ARHGAP17: variants seen among roughly 807,000 people sequenced by gnomAD.
ARHGAP17 encodes rho GTPase-activating protein 17.
A neutral mutation model predicts 99.5 loss-of-function variants in ARHGAP17; 57 were observed. That is an observed-to-expected ratio of 0.57 (90% CI 0.46 to 0.71). The LOEUF (loss-of-function observed/expected upper bound fraction) is 0.71. Ranked by LOEUF, ARHGAP17 falls within the 30% of genes least tolerant of loss-of-function variation. The pLI, the probability that ARHGAP17 is intolerant of heterozygous loss-of-function variation, is 0.00. For synonymous variants in ARHGAP17, 417 were observed against 429.6 expected, an observed-to-expected ratio of 0.97 and a Z score of 0.36; for missense variants, 1,000 against 1,122.4, an observed-to-expected ratio of 0.89 and a Z score of 1.56.
In ARHGAP17 at chr16:24,930,832, C is replaced by A. The variant is rs901287667; in HGVS notation, c.2467G>T (p.Asp823Tyr). ...GGTGCTGTGTTGGTGAGGCTGCTGT[C>A]CCCAGCTGAGTGGACACCAGGAGGT... ...PQPPGVHSAG[D>Y]SSLTNTAPTA... The change falls in exon 19 of 20, where the codon GAC becomes TAC. Residue 823 changes from aspartate to tyrosine, a missense_variant. Coordinates refer to ENST00000289968, the MANE Select transcript of ARHGAP17 (RefSeq NM_001006634.3). The A allele has an allele frequency of 3.1e-6, 5 of 1,613,922 alleles. No homozygotes were observed. The South Asian group carries it at 5.5e-5, about 18-fold the overall frequency.
intron 1 of ARHGAP17, among the ~76,000 whole-genome samples, chr16:24,985,502 C>T (rs2052837355): frequency 6.6e-6 from 1 of 152,194 alleles, no homozygotes; most frequent in African/African-American, 2.4e-5. Context: ...GTATGGTTCA[C>T]TCTGGGCCTC....
chr16:25,009,665 T>C (rs1329294700), intron 1 of ARHGAP17, among the ~76,000 whole-genome samples: 1 of 152,112 alleles, frequency 6.6e-6, no homozygotes, highest in Non-Finnish European at 1.5e-5. Flanking sequence ...ACATACCTCC[T>C]AGGAGTGGAA....
chr16:24,939,019 C>G (rs1384375815), intron 17 of ARHGAP17, among the ~76,000 whole-genome samples: 1 of 152,156 alleles, frequency 6.6e-6, no homozygotes, highest in Admixed American at 6.5e-5. Flanking sequence ...TCCTGGTTAG[C>G]ACACTGGATG....
chr16:24,925,971 G>A (rs538098227), intron 19 of ARHGAP17, among the ~76,000 whole-genome samples: 12 of 151,880 alleles, frequency 7.9e-5, no homozygotes, highest in African/African-American at 2.9e-4. Flanking sequence ...TTAGCTGGGC[G>A]TGGTGGTGGG....
At chr16:24,935,320 T>G in intron 18 of ARHGAP17, 150 bp downstream of exon 18, 1 of 1,023,906 alleles carries the variant, frequency 9.8e-7, no homozygotes, top group Non-Finnish European at 1.4e-6. Flanking sequence ...CTTTAATGAC[T>G]TTTCTCTTGA....
chr16:24,939,567 G>T lies in ARHGAP17; in HGVS notation c.1521C>A (p.Ala507=). Residue 507 remains alanine (A), a synonymous_variant, in exon 17 of 20, where the codon GCC becomes GCA. Transcript: ENST00000289968. ...SFGVKLMDFQ[A]HRRGGTLNRK... ...TATTTAGAGTGCCACCCCGCCGGTGGGCCTGGAAGTCCATAAGCTTCACAC... is the reference window on the plus strand; with the variant it reads ...TATTTAGAGTGCCACCCCGCCGGTGTGCCTGGAAGTCCATAAGCTTCACAC... 1 of 1,607,828 alleles carries T rather than the reference G, an allele frequency of 6.2e-7. No homozygotes were observed. The highest frequency in any genetic ancestry group is 1.1e-5 in the South Asian group (1 of 89,432).
intron 12 of ARHGAP17, among the ~76,000 whole-genome samples, chr16:24,951,231 T>C (rs891513480): frequency 7.9e-5 from 12 of 152,012 alleles, no homozygotes; most frequent in Admixed American, 5.9e-4. Context: ...GAATATAGCA[T>C]TTGGGTCTGT....
rs115297803 is a variant in ARHGAP17 at position 24,990,057 on chromosome 16, C to T, written c.54-11052G>A. ...GCACAAACGTTCAAGGTGATGGATACGATAATTATGCTGATTTGATCATTA... is the reference window on the plus strand; with the variant it reads ...GCACAAACGTTCAAGGTGATGGATATGATAATTATGCTGATTTGATCATTA... On this transcript the variant is annotated intron_variant, in intron 1 of 19. Coordinates refer to ENST00000289968, the MANE Select transcript of ARHGAP17 (RefSeq NM_001006634.3). 2.4e-3 allele frequency among the ~76,000 whole-genome samples: 363 copies of T among 152,208 alleles called. 1 individual carries two copies. Among genetic ancestry groups the T allele is most frequent in the African/African-American group, 8.3e-3 (344 of 41,514 alleles).
chr16:24,937,655 G>A (rs934501927), intron 17 of ARHGAP17, among the ~76,000 whole-genome samples: 10 of 152,084 alleles, frequency 6.6e-5, no homozygotes, highest in African/African-American at 2.2e-4. Context: ...CTTTCCCAAG[G>A]TGAAGAAAAT....
chr16:24,927,111 AAAT>A lies in ARHGAP17; in HGVS notation c.2515+3670_2515+3672del, dbSNP rs1466880653. ...CATGGTGAAGCCCCGTCTCTACTAA[AAAT>A]AAAAAAAATAGCCAGATGTGGTGGC... On this transcript the variant is annotated intron_variant, in intron 19 of 19. Coordinates refer to ENST00000289968, the MANE Select transcript of ARHGAP17 (RefSeq NM_001006634.3). Among the ~76,000 whole-genome samples the A allele has an allele frequency of 3.9e-5, 6 of 152,304 alleles. No individual in the cohort carries two copies. In the South Asian group the frequency reaches 8.3e-4, roughly 21 times the overall value.
Position 24,924,604 on chromosome 16 carries a change from T to C in ARHGAP17, c.2516-4344A>G, listed in dbSNP as rs190294305. ...CTGGCTGGGTGTGGTAGCTCATGCCTGTAATCCCAGCACTTTGGGAGGCCG... is the reference window on the plus strand; with the variant it reads ...CTGGCTGGGTGTGGTAGCTCATGCCCGTAATCCCAGCACTTTGGGAGGCCG... On this transcript the variant is annotated intron_variant, in intron 19 of 19. Transcript: ENST00000289968. 3.2e-4 allele frequency among the ~76,000 whole-genome samples: 48 copies of C among 152,284 alleles called. No individual in the cohort carries two copies. The East Asian group carries it at 8.1e-3, about 26-fold the overall frequency.
chr16:24,927,357 G>C (rs1244298547), intron 19 of ARHGAP17, among the ~76,000 whole-genome samples: 1 of 152,196 alleles, frequency 6.6e-6, no homozygotes, highest in Non-Finnish European at 1.5e-5. Flanking sequence ...GTTATACCAA[G>C]AGCTGAAATT....
At chr16:24,950,562 C>T (rs954064264) in intron 12 of ARHGAP17, among the ~76,000 whole-genome samples, 2 of 152,112 alleles carry the variant, frequency 1.3e-5, no homozygotes, top group Admixed American at 6.5e-5. Flanking sequence ...CGGCTGAGCG[C>T]GGTGGTTTAT....
chr16:24,992,597 G>C (rs1289441477), intron 1 of ARHGAP17, among the ~76,000 whole-genome samples: 1 of 152,184 alleles, frequency 6.6e-6, no homozygotes, highest in Non-Finnish European at 1.5e-5. Flanking sequence ...GCCTCCCAAA[G>C]TGTTGGGATT....
chr16:24,975,413 G>C (rs1597438879), intron 3 of ARHGAP17, among the ~76,000 whole-genome samples: 1 of 152,306 alleles, frequency 6.6e-6, no homozygotes, highest in African/African-American at 2.4e-5. Flanking sequence ...AGAACTTAAT[G>C]AAACAATGTG....
intron 18 of ARHGAP17, among the ~76,000 whole-genome samples, chr16:24,933,597 G>A (rs1329252989): frequency 6.6e-6 from 1 of 152,080 alleles, no homozygotes; most frequent in Non-Finnish European, 1.5e-5. Flanking sequence ...TACATTAGCT[G>A]TACTCCAGAC....
chr16:24,969,568 T>C (rs1484665478), intron 4 of ARHGAP17, among the ~76,000 whole-genome samples: 1 of 152,254 alleles, frequency 6.6e-6, no homozygotes, highest in African/African-American at 2.4e-5. Context: ...AACATGGTTC[T>C]AAGTGCTGAT....
At chr16:24,932,663 T>C (rs995963813) in intron 18 of ARHGAP17, among the ~76,000 whole-genome samples, 7 of 151,930 alleles carry the variant, frequency 4.6e-5, no homozygotes, top group Non-Finnish European at 8.8e-5. Flanking sequence ...TCTGGAAGAG[T>C]TGCCTTAGAA....
At chr16:24,921,997 A>G (rs1026142307) in intron 19 of ARHGAP17, among the ~76,000 whole-genome samples, 6 of 152,246 alleles carry the variant, frequency 3.9e-5, no homozygotes, top group Admixed American at 3.9e-4. Context: ...CAAATAGCAG[A>G]TGTTCAAGAA....
Sources: allele counts gnomAD v4.1 joint callset (sites outside exome capture counted in the v4.1 genomes callset), GRCh38; gene constraint gnomAD v4.1.1; transcripts MANE v1.5; gene names NCBI Gene and HGNC (gene_info 2026-07-23, HGNC 2026-07-21).